The following CACNG5 variants were observed in gnomAD, a reference collection of about 807,000 sequenced individuals.
CACNG5 encodes calcium voltage-gated channel auxiliary subunit gamma 5, also known as voltage-dependent calcium channel gamma-5 subunit.
CACNG5 carries 18 observed loss-of-function variants against 24.8 expected under a neutral mutation model. That is an observed-to-expected ratio of 0.73 (90% CI 0.50 to 1.08). The LOEUF is 1.08. Ranked by LOEUF, CACNG5 falls within the 50% of genes least tolerant of loss-of-function variation. The probability of loss-of-function intolerance (pLI) is 0.00; values close to 1 mark genes in which losing one functional copy is unlikely to be tolerated. For missense variants in CACNG5, 349 were observed against 367.9 expected, an observed-to-expected ratio of 0.95 and a Z score of 0.42; for synonymous variants, 157 against 149.1, an observed-to-expected ratio of 1.05 and a Z score of -0.39.
At position 66,878,970 on chromosome 17, in the gene CACNG5, A is replaced by T. The variant is rs368998295; in HGVS notation, c.197-2A>T. ...CTGGAAATGTGATTCTTGTCTCCAC[A>T]GGTGAGGAGCGGGGGCGTTGCTTCA... is the stretch of plus-strand genomic sequence containing the variant. On this transcript the variant is annotated splice_acceptor_variant, in intron 2 of 5. Transcript: ENST00000533854. LOFTEE classifies it high-confidence loss of function. The T allele has an allele frequency of 6.2e-7, 1 of 1,610,664 alleles. No individual in the cohort carries two copies. Among genetic ancestry groups the T allele is most frequent in the Non-Finnish European group, 8.5e-7 (1 of 1,177,326 alleles).
Position 66,885,227 on chromosome 17 carries a change from C to T in CACNG5, c.815C>T (p.Ser272Phe). The T allele has an allele frequency of 6.3e-7, 1 of 1,588,132 alleles. No individual in the cohort carries two copies. Among genetic ancestry groups the T allele is most frequent in the South Asian group, 1.1e-5 (1 of 88,498 alleles). The change falls in exon 6 of 6, where the codon TCT (serine) becomes TTT (phenylalanine). Residue 272 changes from serine (S) to phenylalanine (F), a missense_variant. Physicochemically the swap from Ser to Phe is radical, Grantham distance 155. Transcript: ENST00000533854. ...TGCCCCGACTATGATCAGATGTCCTCTTCACCCTGCTGAGCCTCGGCCGCC... is the reference window on the plus strand; with the variant it reads ...TGCCCCGACTATGATCAGATGTCCTTTTCACCCTGCTGAGCCTCGGCCGCC... ...LKCPDYDQMSSSPC is the reference protein window; with the variant it reads ...LKCPDYDQMSFSPC
rs1035281400 is a variant in CACNG5 at position 66,890,509 on chromosome 17, T to C, written c.*5269T>C. Among the ~76,000 whole-genome samples, 1 of 152,254 alleles carries C rather than the reference T, an allele frequency of 6.6e-6. No individual in the cohort carries two copies. The highest frequency in any genetic ancestry group is 1.5e-5 in the Non-Finnish European group (1 of 68,042). ...GAACCAGGATCCTGGACCTCTGCTCTGTGACCTTGGACATATCACATCCTT... is the reference window on the plus strand; with the variant it reads ...GAACCAGGATCCTGGACCTCTGCTCCGTGACCTTGGACATATCACATCCTT... On this transcript the variant is annotated 3_prime_UTR_variant, in exon 6 of 6. Transcript: ENST00000533854.
In CACNG5 at chr17:66,886,427, C is replaced by T. The variant is rs893940384; in HGVS notation, c.*1187C>T. 1.3e-5 allele frequency among the ~76,000 whole-genome samples: 2 copies of T among 152,162 alleles called. No individual in the cohort carries two copies. The highest frequency in any genetic ancestry group is 1.5e-5 in the Non-Finnish European group (1 of 68,014). ...TTCCAGAAGACCAGGCAGTGTGACA[C>T]CCATTCTTCTGGTGGGAAACCGGAG... On this transcript the variant is annotated 3_prime_UTR_variant, in exon 6 of 6. Transcript: ENST00000533854.
At position 66,894,468 on chromosome 17, in the gene CACNG5, T is replaced by G. The variant is rs1977386642; in HGVS notation, c.*9228T>G. 6.6e-6 allele frequency among the ~76,000 whole-genome samples: 1 copy of G among 152,196 alleles called. No individual in the cohort carries two copies. Among genetic ancestry groups the G allele is most frequent in the Non-Finnish European group, 1.5e-5 (1 of 68,036 alleles). Reference sequence around the variant, plus strand: ...ACCTACTATATAACAGCTTCTGTCCTGGGCTGTTTCTCCGGTGTGATTTCA... The same window carrying G: ...ACCTACTATATAACAGCTTCTGTCCGGGGCTGTTTCTCCGGTGTGATTTCA... On this transcript the variant is annotated 3_prime_UTR_variant, in exon 6 of 6. Transcript: ENST00000533854.
chr17:66,839,841 C>T (rs1403818192), intron 1 of CACNG5, among the ~76,000 whole-genome samples: 1 of 152,156 alleles, frequency 6.6e-6, no homozygotes, highest in Middle Eastern at 3.2e-3. Context: ...CGCGCACGTG[C>T]ACTGAAGTCC....
At chr17:66,851,065 C>A (rs1013227027) in intron 1 of CACNG5, among the ~76,000 whole-genome samples, 1 of 152,078 alleles carries the variant, frequency 6.6e-6, no homozygotes, top group African/African-American at 2.4e-5. Context: ...GACTCCCCCT[C>A]CATGAAGGGG....
At chr17:66,868,727 G>A (rs530420446) in intron 1 of CACNG5, among the ~76,000 whole-genome samples, 6 of 152,244 alleles carry the variant, frequency 3.9e-5, no homozygotes, top group Middle Eastern at 3.4e-3. Context: ...TCCTTAGTAC[G>A]CACTTGACCC....
At position 66,885,006 on chromosome 17, in the gene CACNG5, C is replaced by T. The variant is rs139714730; in HGVS notation, c.594C>T (p.Tyr198=). 3,010 of 1,614,144 alleles carry T rather than the reference C, an allele frequency of 1.9e-3. 3 individuals carry two copies. The highest frequency in any genetic ancestry group is 2.4e-3 in the Non-Finnish European group (2,855 of 1,180,010). ...AGAGTGCCGGGGTGATGTCTGTGTACCTGTTTATGAAGCGGTACACCGCGG... is the reference window on the plus strand; with the variant it reads ...AGAGTGCCGGGGTGATGTCTGTGTATCTGTTTATGAAGCGGTACACCGCGG... ...LTESAGVMSV[Y]LFMKRYTAED... The change falls in exon 6 of 6, where the codon TAC becomes TAT. Residue 198 remains tyrosine (Y), a synonymous_variant. Coordinates refer to ENST00000533854, the MANE Select transcript of CACNG5 (RefSeq NM_145811.3).
intron 1 of CACNG5, among the ~76,000 whole-genome samples, chr17:66,867,851 C>T (rs927706150): frequency 2.6e-5 from 4 of 152,166 alleles, no homozygotes; most frequent in African/African-American, 9.7e-5. Flanking sequence ...CATACCAGTG[C>T]CACGCTGTTT....
At chr17:66,839,799 T>C (rs1217879803) in intron 1 of CACNG5, among the ~76,000 whole-genome samples, 1 of 152,150 alleles carries the variant, frequency 6.6e-6, no homozygotes, top group Non-Finnish European at 1.5e-5. Flanking sequence ...ATTCACTACC[T>C]GCTAGGCACA....
chr17:66,885,051 C>A lies in CACNG5; in HGVS notation c.639C>A (p.His213Gln). 1.2e-6 allele frequency: 2 copies of A among 1,614,188 alleles called. No homozygotes were observed. The highest frequency in any genetic ancestry group is 1.7e-6 in the Non-Finnish European group (2 of 1,180,028). Residue 213 changes from histidine (H) to glutamine (Q), a missense_variant, in exon 6 of 6, where the codon CAC (histidine) becomes CAA (glutamine). Coordinates refer to ENST00000533854, the MANE Select transcript of CACNG5 (RefSeq NM_145811.3). Reference sequence around the variant, plus strand: ...CCGCGGAGGACATGTACAGGCCCCACCCTGGCTTCTACCGCCCTCGGCTGA... The same window carrying A: ...CCGCGGAGGACATGTACAGGCCCCAACCTGGCTTCTACCGCCCTCGGCTGA... ...RYTAEDMYRP[H>Q]PGFYRPRLSN...
intron 1 of CACNG5, among the ~76,000 whole-genome samples, chr17:66,868,213 G>T (rs1976955655): frequency 6.6e-6 from 1 of 152,140 alleles, no homozygotes; most frequent in Non-Finnish European, 1.5e-5. Flanking sequence ...ACGGAAAATG[G>T]ACCTTCAGTT....
intron 1 of CACNG5, among the ~76,000 whole-genome samples, chr17:66,862,881 C>T (rs1976882683): frequency 8.3e-6 from 1 of 120,466 alleles, no homozygotes; most frequent in Non-Finnish European, 1.7e-5. Flanking sequence ...CCTTGTCTGC[C>T]AGCATATTCT....
At chr17:66,869,204 C>T (rs1165968180) in intron 1 of CACNG5, among the ~76,000 whole-genome samples, 1 of 152,156 alleles carries the variant, frequency 6.6e-6, no homozygotes, top group Non-Finnish European at 1.5e-5. Context: ...GTGCCTCAGC[C>T]TCCCGAGTAG....
intron 1 of CACNG5, among the ~76,000 whole-genome samples, chr17:66,865,812 T>G (rs1976920910): frequency 6.7e-6 from 1 of 149,916 alleles, no homozygotes; most frequent in African/African-American, 2.4e-5. Context: ...TTTTTTTTTT[T>G]TTGTATTTTT....
rs146886335 is a variant in CACNG5 at position 66,873,434 on chromosome 17, A to G, written c.-103-3796A>G. On this transcript the variant is annotated intron_variant, in intron 1 of 5. Transcript: ENST00000533854. ...GGCAAGGTCACTTTCAGCCTCTTTT[A>G]TTTCTCGCTTTTGTAGATTAAGATC... Among the ~76,000 whole-genome samples, 423 of 152,044 alleles carry G rather than the reference A, an allele frequency of 2.8e-3. 3 individuals carry two copies. The highest frequency in any genetic ancestry group is 4.1e-3 in the Non-Finnish European group (276 of 67,982).
chr17:66,846,365 C>T (rs767842161), intron 1 of CACNG5, among the ~76,000 whole-genome samples: 5 of 152,232 alleles, frequency 3.3e-5, no homozygotes, highest in African/African-American at 9.6e-5. Context: ...TTTCATCACC[C>T]GTGAAGCAGT....
rs750089657 is a variant in CACNG5 at position 66,877,297 on chromosome 17, G to T, written c.-36G>T. 6.3e-6 allele frequency: 10 copies of T among 1,584,816 alleles called. No individual in the cohort carries two copies. The highest frequency in any genetic ancestry group is 1.3e-5 in the African/African-American group (1 of 74,424). On this transcript the variant is annotated 5_prime_UTR_variant, in exon 2 of 6. Coordinates refer to ENST00000533854, the MANE Select transcript of CACNG5 (RefSeq NM_145811.3). ...CAGAGCGCAGTCCGTGCTGGTGGGA[G>T]CGTGGCGACTAGTTGCACAGCAACG...
chr17:66,861,696 G>T (rs1976861478), intron 1 of CACNG5, among the ~76,000 whole-genome samples: 1 of 152,180 alleles, frequency 6.6e-6, no homozygotes, highest in Non-Finnish European at 1.5e-5. Context: ...AACACACAGG[G>T]TACCAAATTG....
Sources: gnomAD v4.1 joint callset for allele counts (sites outside exome capture counted in the v4.1 genomes callset) on GRCh38, gnomAD v4.1.1 for gene constraint, MANE v1.5 for transcripts, NCBI Gene and HGNC (gene_info 2026-07-23, HGNC 2026-07-21) for gene names.